C8orf34: variants seen among roughly 807,000 people sequenced by gnomAD.
The protein encoded by C8orf34 is uncharacterized protein C8orf34.
In C8orf34, 65 loss-of-function variants were observed where a neutral mutation model predicts 68.3. The ratio of observed to expected loss-of-function variants is 0.95; its 90% CI spans 0.78 to 1.17. The LOEUF (loss-of-function observed/expected upper bound fraction) is 1.17, where lower values mean the gene tolerates loss of function less well. C8orf34 is among the 50% of genes most tolerant of loss of function. C8orf34 has a pLI of 0.00. For missense variants in C8orf34, 664 were observed against 655.4 expected (o/e 1.01, Z -0.14); for synonymous variants, 244 against 241.2 (o/e 1.01, Z -0.11).
At chr8:68,591,869 G>A (rs1213765980) in intron 7 of C8orf34, among the ~76,000 whole-genome samples, 2 of 152,084 alleles carry the variant, frequency 1.3e-5, no homozygotes, top group African/African-American at 4.8e-5. Context: ...CTAACGGCTG[G>A]CCTCAGATGC....
At chr8:68,672,972 C>T in intron 8 of C8orf34, among the ~76,000 whole-genome samples, 1 of 148,032 alleles carries the variant, frequency 6.8e-6, no homozygotes, top group South Asian at 2.1e-4. Flanking sequence ...TTTTGAGGCC[C>T]CCATTCCAGG....
chr8:68,736,410 G>T lies in C8orf34; in HGVS notation c.1404+14973G>T, dbSNP rs1377854693. Among the ~76,000 whole-genome samples, 5 of 151,974 alleles carry T rather than the reference G, an allele frequency of 3.3e-5. No homozygotes were observed. The South Asian group carries it at 8.3e-4, about 25-fold the overall frequency. ...AGAGAATGGTACCCCCAATCATATA[G>T]AACTAGAATTCCTTTAGGTTTATTC... is the stretch of plus-strand genomic sequence containing the variant. On this transcript the variant is annotated intron_variant, in intron 10 of 13. Coordinates refer to ENST00000518698, the MANE Select transcript of C8orf34 (RefSeq NM_052958.4).
At chr8:68,735,181 A>C (rs572287998) in intron 10 of C8orf34, among the ~76,000 whole-genome samples, 1 of 152,248 alleles carries the variant, frequency 6.6e-6, no homozygotes, top group African/African-American at 2.4e-5. Context: ...GGATTCAAAT[A>C]ATCACTTTCC....
At position 68,551,578 on chromosome 8, in the gene C8orf34, TG is replaced by T. The variant is rs1335978319; in HGVS notation, c.1105+18430del. ...TTTGTTTGTTTGTTTGGGGCTTTTT[TG>T]TGCCTTTTATTATGTCTTGTAGTTC... On this transcript the variant is annotated intron_variant, in intron 7 of 13. Coordinates refer to ENST00000518698, the MANE Select transcript of C8orf34 (RefSeq NM_052958.4). Among the ~76,000 whole-genome samples, 5 of 152,242 alleles carry T rather than the reference TG, an allele frequency of 3.3e-5. No homozygotes were observed. The East Asian group carries it at 9.7e-4, about 29-fold the overall frequency.
chr8:68,744,546 G>C (rs1323507655), intron 10 of C8orf34, among the ~76,000 whole-genome samples: 2 of 151,950 alleles, frequency 1.3e-5, no homozygotes, highest in Non-Finnish European at 2.9e-5. Flanking sequence ...TAAAGGAGCT[G>C]ATGGAGCTGA....
At chr8:68,544,882 G>A (rs993841754) in intron 7 of C8orf34, among the ~76,000 whole-genome samples, 2 of 152,014 alleles carry the variant, frequency 1.3e-5, no homozygotes, top group Non-Finnish European at 2.9e-5. Context: ...AATAAAACAA[G>A]CTTCATTGGT....
chr8:68,663,426 T>A (rs1161393704), intron 8 of C8orf34, among the ~76,000 whole-genome samples: 1 of 152,086 alleles, frequency 6.6e-6, no homozygotes, highest in African/African-American at 2.4e-5. Flanking sequence ...GAAGAGATTA[T>A]TTTTCCCCCT....
chr8:68,693,663 G>C (rs935846269), intron 8 of C8orf34, among the ~76,000 whole-genome samples: 5 of 152,046 alleles, frequency 3.3e-5, no homozygotes, highest in Admixed American at 6.6e-5. Context: ...ATACTGAATT[G>C]CTTTGTTTTG....
intron 1 of C8orf34, among the ~76,000 whole-genome samples, chr8:68,355,177 G>A (rs977589186): frequency 6.6e-6 from 1 of 151,864 alleles, no homozygotes; most frequent in Non-Finnish European, 1.5e-5. Flanking sequence ...TTCAAGAGAG[G>A]GGCTGAGAAA....
At chr8:68,360,409 A>G (rs553601108) in intron 1 of C8orf34, among the ~76,000 whole-genome samples, 1 of 152,346 alleles carries the variant, frequency 6.6e-6, no homozygotes, top group South Asian at 2.1e-4. Flanking sequence ...AGGAGTCTGC[A>G]TACATTATTT....
At chr8:68,420,377 G>A (rs932226734) in intron 1 of C8orf34, among the ~76,000 whole-genome samples, 23 of 152,256 alleles carry the variant, frequency 1.5e-4, no homozygotes, top group Admixed American at 2.0e-4. Context: ...AAAAAAAAAT[G>A]TAAATTTTTT....
At chr8:68,746,977 A>T (rs1585819630) in intron 10 of C8orf34, among the ~76,000 whole-genome samples, 3 of 149,998 alleles carry the variant, frequency 2.0e-5, no homozygotes, top group Admixed American at 2.0e-4. Context: ...TTGATGCAAA[A>T]ATCCTCAATA....
At chr8:68,573,751 G>T (rs1438191808) in intron 7 of C8orf34, among the ~76,000 whole-genome samples, 1 of 152,102 alleles carries the variant, frequency 6.6e-6, no homozygotes, top group African/African-American at 2.4e-5. Flanking sequence ...CCCTGGAATT[G>T]TTCAATGCAG....
chr8:68,542,929 TA>T (rs1815749773), intron 7 of C8orf34, among the ~76,000 whole-genome samples: 1 of 152,082 alleles, frequency 6.6e-6, no homozygotes, highest in East Asian at 1.9e-4. Flanking sequence ...TCATAAAGAG[TA>T]ATACCATCAT....
chr8:68,401,308 A>G (rs1391098354), intron 1 of C8orf34, among the ~76,000 whole-genome samples: 2 of 152,090 alleles, frequency 1.3e-5, no homozygotes, highest in Non-Finnish European at 2.9e-5. Flanking sequence ...AAATAAGAGT[A>G]TATCATCAGC....
chr8:68,779,616 C>T (rs1296166780), intron 11 of C8orf34, among the ~76,000 whole-genome samples: 2 of 152,028 alleles, frequency 1.3e-5, no homozygotes, highest in Non-Finnish European at 2.9e-5. Context: ...CCTGGAATCA[C>T]TTTGGATGCC....
At chr8:68,413,787 T>G (rs1421806319) in intron 1 of C8orf34, among the ~76,000 whole-genome samples, 1 of 152,230 alleles carries the variant, frequency 6.6e-6, no homozygotes, top group Non-Finnish European at 1.5e-5. Flanking sequence ...GAGTTCTTCC[T>G]TCTTCCTCTC....
rs574179227 is a variant in C8orf34, at chr8:68,794,646, C to T, written c.1549+7110C>T. ...GGACTACAGGTTTACACCACCACAC[C>T]TGGCTAGTTTTTGTACTTTTTGTAG... is the stretch of plus-strand genomic sequence containing the variant. On this transcript the variant is annotated intron_variant, in intron 12 of 13. Coordinates refer to ENST00000518698, the MANE Select transcript of C8orf34 (RefSeq NM_052958.4). Among the ~76,000 whole-genome samples the T allele has an allele frequency of 3.8e-4, 58 of 150,860 alleles. 2 individuals carry two copies. The highest frequency in any genetic ancestry group is 7.1e-4 in the Non-Finnish European group (48 of 67,822).
intron 12 of C8orf34, among the ~76,000 whole-genome samples, chr8:68,798,320 C>G (rs1173864640): frequency 7.2e-6 from 1 of 138,846 alleles, no homozygotes; most frequent in Non-Finnish European, 1.5e-5. Flanking sequence ...AACAGAGTCT[C>G]ATTCTGTCAC....
Sources: allele counts gnomAD v4.1 joint callset (sites outside exome capture counted in the v4.1 genomes callset), GRCh38; gene constraint gnomAD v4.1.1; transcripts MANE v1.5; gene names NCBI Gene and HGNC (gene_info 2026-07-23, HGNC 2026-07-21).